MACROD1: variants seen among roughly 807,000 people sequenced by gnomAD.
MACROD1 encodes ADP-ribose glycohydrolase MACROD1.
In MACROD1, 31 loss-of-function variants were observed where a neutral mutation model predicts 41.4. That is an observed-to-expected ratio of 0.75 (90% CI 0.56 to 1.01). The LOEUF (loss-of-function observed/expected upper bound fraction) is 1.01. Ranked by LOEUF, MACROD1 falls within the 50% of genes least tolerant of loss-of-function variation. The pLI is 0.00. For synonymous variants in MACROD1, 252 were observed against 203.4 expected (o/e 1.24, Z -2.03); for missense variants, 473 against 460.0 (o/e 1.03, Z -0.26).
chr11:64,114,243 AATGGATGGTTAGGTGG>A (rs1944925622), intron 3 of MACROD1, among the ~76,000 whole-genome samples: 1 of 79,366 alleles, frequency 1.3e-5, no homozygotes, highest in South Asian at 4.8e-4. Context: ...TGCATGGATG[AATGGATGGTTAGGTGG>A]ATGGATGGAT....
intron 3 of MACROD1, among the ~76,000 whole-genome samples, chr11:64,078,048 G>T (rs1002508057): frequency 3.3e-5 from 5 of 152,308 alleles, no homozygotes; most frequent in Admixed American, 6.5e-5. Context: ...GCACAGGGAG[G>T]TACAGCAGCT....
At chr11:64,086,703 G>A (rs1009712328) in intron 3 of MACROD1, among the ~76,000 whole-genome samples, 1 of 152,190 alleles carries the variant, frequency 6.6e-6, no homozygotes, top group Non-Finnish European at 1.5e-5. Flanking sequence ...GAGAGGGGGA[G>A]AAGGGCATGA....
At chr11:64,050,411 C>T (rs762708338) in intron 3 of MACROD1, among the ~76,000 whole-genome samples, 2 of 152,240 alleles carry the variant, frequency 1.3e-5, no homozygotes, top group Non-Finnish European at 2.9e-5. Flanking sequence ...AGGCCCTTGG[C>T]CAGCCCTCAG....
chr11:64,144,701 CAA>C (rs1945467407), intron 3 of MACROD1, among the ~76,000 whole-genome samples: 1 of 152,258 alleles, frequency 6.6e-6, no homozygotes, highest in Non-Finnish European at 1.5e-5. Flanking sequence ...GTTCCAGCTG[CAA>C]AGTCTGCTGT....
chr11:64,116,098 G>A (rs934257703), intron 3 of MACROD1: 23 of 1,032,090 alleles, frequency 2.2e-5, no homozygotes, highest in South Asian at 5.3e-5. Context: ...ACCTCACCCC[G>A]CAGGACCGGA....
chr11:64,100,111 C>T (rs1246691066), intron 3 of MACROD1, among the ~76,000 whole-genome samples: 2 of 152,158 alleles, frequency 1.3e-5, no homozygotes, highest in Non-Finnish European at 2.9e-5. Context: ...TCTCAGTCCA[C>T]ACAATGAAAG....
chr11:64,131,634 T>A (rs1945267562), intron 3 of MACROD1, among the ~76,000 whole-genome samples: 1 of 152,108 alleles, frequency 6.6e-6, no homozygotes. Context: ...CCCCTCAGGA[T>A]GTTTTCTGAA....
At chr11:64,125,494 T>C (rs1945164296) in intron 3 of MACROD1, among the ~76,000 whole-genome samples, 1 of 152,200 alleles carries the variant, frequency 6.6e-6, no homozygotes, top group Admixed American at 6.5e-5. Context: ...CCAGTTGCCA[T>C]CTGCCCACTC....
intron 3 of MACROD1, among the ~76,000 whole-genome samples, chr11:64,130,694 CAT>C (rs1262459367): frequency 6.6e-6 from 1 of 152,194 alleles, no homozygotes; most frequent in Non-Finnish European, 1.5e-5. Flanking sequence ...CCCCCCCACA[CAT>C]GCCGCTGCCT....
chr11:64,029,662 C>T (rs545761164), intron 3 of MACROD1, among the ~76,000 whole-genome samples: 58 of 152,282 alleles, frequency 3.8e-4, no homozygotes, highest in Admixed American at 9.8e-4. Flanking sequence ...CCCCCACCCC[C>T]CTCTCGGACC....
intron 10 of MACROD1, 43 bp from the exon 11 acceptor site, chr11:63,998,730 A>C: frequency 7.1e-7 from 1 of 1,412,170 alleles, no homozygotes; most frequent in East Asian, 2.6e-5. Context: ...GGCGTCCCCG[A>C]CCTCCCAGGC....
rs1309388352 is a variant in MACROD1 at position 64,120,024 on chromosome 11, G to A, written c.517+31215C>T. On this transcript the variant is annotated intron_variant, in intron 3 of 10. Coordinates refer to ENST00000255681, the MANE Select transcript of MACROD1 (RefSeq NM_014067.4). The surrounding 1 kb of genome is among the most constrained non-coding windows in gnomAD (Gnocchi z 4.5). ...GGTCCGAGGGCAGGAGGATGAGAGG[G>A]CTGGGAGCGCCTGGTGGTGCTATTT... is the stretch of plus-strand genomic sequence containing the variant. Among the ~76,000 whole-genome samples the A allele has an allele frequency of 6.6e-6, 1 of 152,198 alleles. No individual in the cohort carries two copies.
rs1944028149 is a variant in MACROD1 at position 64,067,586 on chromosome 11, C to T, written c.518-52305G>A. Among the ~76,000 whole-genome samples, 3 of 152,162 alleles carry T rather than the reference C, an allele frequency of 2.0e-5. No homozygotes were observed. Among genetic ancestry groups the T allele is most frequent in the Admixed American group, 2.0e-4 (3 of 15,284 alleles). The stretch of plus-strand genomic sequence containing the variant: ...AGGGACCAGGACCCAGGCTTGTCTC[C>T]CTCCTGTCCCTAGGTGGGTGACGCA... On this transcript the variant is annotated intron_variant, in intron 3 of 10. Coordinates refer to ENST00000255681, the MANE Select transcript of MACROD1 (RefSeq NM_014067.4). This position sits in a 1 kb window ranked among gnomAD's most constrained non-coding sequence, Gnocchi z 4.6.
chr11:64,116,971 C>T (rs1370905845), intron 3 of MACROD1: 1 of 1,611,922 alleles, frequency 6.2e-7, no homozygotes, highest in Non-Finnish European at 8.5e-7. Context: ...AACCTGCTGG[C>T]CAACCAGCGC....
In MACROD1 at chr11:64,057,606, G is replaced by C. The variant is rs893876731; in HGVS notation, c.518-42325C>G. On this transcript the variant is annotated intron_variant, in intron 3 of 10. Coordinates refer to ENST00000255681, the MANE Select transcript of MACROD1 (RefSeq NM_014067.4). ...ATCTGGCTGGTCACTGCCCGAGCAG[G>C]ACCTACACCCAAGGGCCTGGACCCC... is the stretch of plus-strand genomic sequence containing the variant. 4.6e-5 allele frequency among the ~76,000 whole-genome samples: 7 copies of C among 152,190 alleles called. No homozygotes were observed. The East Asian group carries it at 1.3e-3, about 29-fold the overall frequency.
intron 3 of MACROD1, among the ~76,000 whole-genome samples, chr11:64,077,947 T>A (rs1486027181): frequency 1.3e-5 from 2 of 152,110 alleles, no homozygotes; most frequent in Non-Finnish European, 2.9e-5. Flanking sequence ...TAAGCCCTGA[T>A]GGGCCCGTGC....
At chr11:64,061,092 C>T (rs547626824) in intron 3 of MACROD1, among the ~76,000 whole-genome samples, 11 of 152,286 alleles carry the variant, frequency 7.2e-5, no homozygotes, top group African/African-American at 2.4e-4. Context: ...CACCTGAGAG[C>T]CTCGCGCTGG....
At chr11:63,998,722 C>T (rs943145999) in intron 10 of MACROD1, 35 bp from the exon 11 acceptor site, 4 of 1,412,658 alleles carry the variant, frequency 2.8e-6, no homozygotes, top group African/African-American at 1.5e-5. Flanking sequence ...TGTCTATGGG[C>T]GTCCCCGACC....
At chr11:64,155,346 G>T (rs1430169251) in intron 1 of MACROD1, among the ~76,000 whole-genome samples, 1 of 152,260 alleles carries the variant, frequency 6.6e-6, no homozygotes, top group East Asian at 1.9e-4. Flanking sequence ...CCTGTCTGAG[G>T]ACGGACAGAT....
Sources: gnomAD v4.1 joint callset for allele counts (sites outside exome capture counted in the v4.1 genomes callset) on GRCh38, gnomAD v4.1.1 for gene constraint, Gnocchi (gnomAD v3.1) non-coding constraint, MANE v1.5 for transcripts, NCBI Gene and HGNC (gene_info 2026-07-23, HGNC 2026-07-21) for gene names.